NCOA1: variants seen among roughly 807,000 people sequenced by gnomAD.
The protein encoded by NCOA1 is Hin-2 protein.
A neutral mutation model predicts 150.9 loss-of-function variants in NCOA1; 35 were observed. The observed-to-expected ratio is 0.23, with a 90% CI of 0.18 to 0.31. NCOA1 has a LOEUF of 0.31. Among genes scored for constraint, NCOA1 ranks in the 10% least tolerant of loss-of-function variants. NCOA1 has a pLI of 1.00. For synonymous variants in NCOA1, 590 were observed against 630.0 expected (o/e 0.94, Z 0.95); for missense variants, 1,491 against 1,749.3 (o/e 0.85, Z 2.63).
intron 3 of NCOA1, among the ~76,000 whole-genome samples, chr2:24,598,055 T>C (rs895706047): frequency 1.3e-5 from 2 of 152,194 alleles, no homozygotes; most frequent in African/African-American, 4.8e-5. Flanking sequence ...TGCGATAGTT[T>C]GCTGAGAATG....
intron 3 of NCOA1, among the ~76,000 whole-genome samples, chr2:24,635,767 G>T (rs55700243): frequency 5.6e-4 from 85 of 152,226 alleles, no homozygotes; most frequent in African/African-American, 2.0e-3. Context: ...AGAACAATGG[G>T]CTAATCTAAC....
chr2:24,711,080 C>A lies in NCOA1; in HGVS notation c.2568C>A (p.Ser856=). The A allele has an allele frequency of 6.2e-7, 1 of 1,614,008 alleles. No homozygotes were observed. Among genetic ancestry groups the A allele is most frequent in the Non-Finnish European group, 8.5e-7 (1 of 1,179,964 alleles). Residue 856 remains serine, a synonymous_variant, in exon 14 of 23, where the codon TCC becomes TCA. Transcript: ENST00000348332. ...KSEILPASLQ[S]ATARPTSRLN... ...AGATCCTGCCAGCTTCACTTCAGTC[C>A]GCCACTGCCAGACCCACTTCCAGGC...
intron 4 of NCOA1, among the ~76,000 whole-genome samples, chr2:24,657,497 A>G (rs1183799724): frequency 1.3e-5 from 2 of 152,262 alleles, no homozygotes; most frequent in Non-Finnish European, 2.9e-5. Context: ...CACTTCTAAT[A>G]TGGAGAAATT....
rs190149127 is a variant in NCOA1, at chr2:24,726,860, G to A, written c.2717+154G>A. Among the ~76,000 whole-genome samples, 667 of 150,854 alleles carry A rather than the reference G, an allele frequency of 4.4e-3. 6 individuals are homozygous for A. The highest frequency in any genetic ancestry group is 0.015 in the African/African-American group (634 of 41,142). ...AAAAAAAAAAAAAAAAAGTGGGCCC[G>A]GTGCAGTGGCTCTGGCCTGTAATCC... On this transcript the variant is annotated intron_variant, in intron 15 of 22. Coordinates refer to ENST00000348332, the MANE Select transcript of NCOA1 (RefSeq NM_003743.5).
At position 24,770,183 on chromosome 2, in the gene NCOA1, A is replaced by G. The variant is rs1665253639; in HGVS notation, c.*1792A>G. 8.6e-6 allele frequency: 2 copies of G among 231,550 alleles called. No individual in the cohort carries two copies. The highest frequency in any genetic ancestry group is 4.4e-5 in the African/African-American group (2 of 45,226). The allele number at this position is 231,550 out of a possible 1,614,324, so 14.3% of individuals were successfully genotyped here. Reference sequence around the variant, plus strand: ...TTTCAGAAAATGCATCCCTGATTTCATTCATTTCCAGCTTGAAAGCCAGCC... The same window carrying G: ...TTTCAGAAAATGCATCCCTGATTTCGTTCATTTCCAGCTTGAAAGCCAGCC... On this transcript the variant is annotated 3_prime_UTR_variant, in exon 23 of 23. Coordinates refer to ENST00000348332, the MANE Select transcript of NCOA1 (RefSeq NM_003743.5).
chr2:24,656,326 C>A (rs950994892), intron 4 of NCOA1, among the ~76,000 whole-genome samples: 11 of 151,880 alleles, frequency 7.2e-5, no homozygotes, highest in African/African-American at 2.7e-4. Flanking sequence ...TTTGTTTTTG[C>A]TTTTATTATT....
chr2:24,572,336 G>C (rs573825039), intron 2 of NCOA1, among the ~76,000 whole-genome samples: 23 of 152,252 alleles, frequency 1.5e-4, no homozygotes, highest in Non-Finnish European at 2.5e-4. Flanking sequence ...AAAGATTACT[G>C]ACTTGAGTTG....
chr2:24,507,331 T>C (rs1572359618), intron 1 of NCOA1, among the ~76,000 whole-genome samples: 1 of 151,982 alleles, frequency 6.6e-6, no homozygotes, highest in Admixed American at 6.6e-5. Flanking sequence ...GGGATGATAG[T>C]ACCTGTCTCC....
At chr2:24,539,470 A>T (rs1665301541) in intron 1 of NCOA1, among the ~76,000 whole-genome samples, 1 of 152,008 alleles carries the variant, frequency 6.6e-6, no homozygotes, top group South Asian at 2.1e-4. Context: ...CAGGTGTAGG[A>T]AGTCATCAAT....
At chr2:24,656,087 CAAAAAAAA>C (rs58446937) in intron 4 of NCOA1, among the ~76,000 whole-genome samples, 1 of 62,080 alleles carries the variant, frequency 1.6e-5, no homozygotes, top group African/African-American at 5.4e-5. Flanking sequence ...GACTCCGTCT[CAAAAAAAA>C]AAAAAAAAAA....
intron 3 of NCOA1, among the ~76,000 whole-genome samples, chr2:24,630,120 C>T (rs1041665612): frequency 1.3e-5 from 2 of 152,044 alleles, no homozygotes; most frequent in African/African-American, 4.8e-5. Context: ...GCTGAGATTA[C>T]AGGCGCGAGC....
intron 1 of NCOA1, among the ~76,000 whole-genome samples, chr2:24,527,953 T>C (rs1306561821): frequency 6.6e-6 from 1 of 152,230 alleles, no homozygotes; most frequent in Non-Finnish European, 1.5e-5. Flanking sequence ...CTGTTGCCCA[T>C]TTTTATGTCG....
At chr2:24,539,992 A>C (rs1234902320) in intron 1 of NCOA1, among the ~76,000 whole-genome samples, 2 of 152,206 alleles carry the variant, frequency 1.3e-5, no homozygotes, top group Non-Finnish European at 2.9e-5. Context: ...GTTGGGGGTA[A>C]CTGGCTATAT....
At chr2:24,645,772 T>G (rs1487557060) in intron 4 of NCOA1, among the ~76,000 whole-genome samples, 1 of 152,188 alleles carries the variant, frequency 6.6e-6, no homozygotes, top group Non-Finnish European at 1.5e-5. Flanking sequence ...ATATCGGATT[T>G]TGGACTTGGG....
chr2:24,611,877 C>T (rs558070968), intron 3 of NCOA1, among the ~76,000 whole-genome samples: 1 of 151,934 alleles, frequency 6.6e-6, no homozygotes, highest in Non-Finnish European at 1.5e-5. Context: ...TCCAATTCAT[C>T]TCTGTGCCTT....
intron 1 of NCOA1, among the ~76,000 whole-genome samples, chr2:24,552,000 A>C (rs571278253): frequency 6.6e-6 from 1 of 152,126 alleles, no homozygotes; most frequent in East Asian, 1.9e-4. Flanking sequence ...CTATTCCATT[A>C]TCTTTGTGTT....
intron 1 of NCOA1, among the ~76,000 whole-genome samples, chr2:24,536,634 C>T (rs755753499): frequency 1.3e-4 from 19 of 151,998 alleles, no homozygotes; most frequent in Admixed American, 9.8e-4. Context: ...GATGGGGTTT[C>T]GGTGTGGATG....
At chr2:24,764,634 A>G (rs1050891218) in intron 22 of NCOA1, among the ~76,000 whole-genome samples, 4 of 152,368 alleles carry the variant, frequency 2.6e-5, no homozygotes, top group South Asian at 2.1e-4. Flanking sequence ...AGGGTTTATA[A>G]TAAGTATTCA....
intron 4 of NCOA1, among the ~76,000 whole-genome samples, chr2:24,650,700 G>A (rs1302165305): frequency 6.6e-6 from 1 of 152,092 alleles, no homozygotes; most frequent in Non-Finnish European, 1.5e-5. Flanking sequence ...TGGCCAACAA[G>A]TATATGAAAG....
Sources: allele counts gnomAD v4.1 joint callset (sites outside exome capture counted in the v4.1 genomes callset), GRCh38; gene constraint gnomAD v4.1.1; transcripts MANE v1.5; gene names NCBI Gene and HGNC (gene_info 2026-07-23, HGNC 2026-07-21).